The following ARAP2 variants were observed in gnomAD, a reference collection of about 807,000 sequenced individuals.
ARAP2 encodes the protein ArfGAP with RhoGAP domain, ankyrin repeat and PH domain 2.
ARAP2 carries 148 observed loss-of-function variants against 194.5 expected under a neutral mutation model. The ratio of observed to expected loss-of-function variants is 0.76; its 90% confidence interval spans 0.67 to 0.87. ARAP2 has a LOEUF of 0.87. Ranked by LOEUF, ARAP2 falls within the 40% of genes least tolerant of loss-of-function variation. The probability of loss-of-function intolerance (pLI) is 0.00; values close to 1 mark genes in which losing one functional copy is unlikely to be tolerated. For missense variants in ARAP2, 2,128 were observed against 1,989.7 expected, an observed-to-expected ratio of 1.07 and a Z score of -1.32; for synonymous variants, 695 against 683.5, an observed-to-expected ratio of 1.02 and a Z score of -0.26.
chr4:36,105,604 T>C (rs545192941), intron 27 of ARAP2, among the ~76,000 whole-genome samples: 1 of 151,972 alleles, frequency 6.6e-6, no homozygotes, highest in Admixed American at 6.6e-5. Context: ...GTACCAGCTG[T>C]CACTGTACCA....
intron 9 of ARAP2, among the ~76,000 whole-genome samples, chr4:36,009,373 T>C (rs1713960002): frequency 6.6e-6 from 1 of 152,154 alleles, no homozygotes; most frequent in Non-Finnish European, 1.5e-5. Flanking sequence ...AAGAATGATT[T>C]CATGTCTTTT....
chr4:36,016,677 A>G (rs2109326520), intron 6 of ARAP2, among the ~76,000 whole-genome samples: 1 of 152,212 alleles, frequency 6.6e-6, no homozygotes, highest in African/African-American at 2.4e-5. Flanking sequence ...ACTTTTTGAT[A>G]CTCTTTTAAT....
At chr4:36,103,798 T>C (rs552298088) in intron 27 of ARAP2, among the ~76,000 whole-genome samples, 100 of 152,016 alleles carry the variant, frequency 6.6e-4, no homozygotes, top group African/African-American at 2.4e-3. Context: ...AGTGCTAGAT[T>C]CTAAAATATA....
At chr4:36,080,150 T>C (rs1463867339) in intron 31 of ARAP2, 66 bp downstream of exon 31, 12 of 1,335,776 alleles carry the variant, frequency 9.0e-6, no homozygotes, top group Non-Finnish European at 1.3e-5. Flanking sequence ...GAAATCACCA[T>C]CACACTAACA....
chr4:36,197,642 C>G (rs951648866), intron 6 of ARAP2, among the ~76,000 whole-genome samples: 2 of 152,204 alleles, frequency 1.3e-5, no homozygotes, highest in Admixed American at 6.5e-5. Context: ...CCCATCACTG[C>G]CAACGGCAAG....
Position 36,122,512 on chromosome 4 carries a change from G to A in ARAP2, c.3747-1186C>T, listed in dbSNP as rs541431640. Among the ~76,000 whole-genome samples, 6 of 151,892 alleles carry A rather than the reference G, an allele frequency of 4.0e-5. No individual in the cohort carries two copies. In the East Asian group the frequency reaches 1.2e-3, roughly 30 times the overall value. On this transcript the variant is annotated intron_variant, in intron 22 of 32. Coordinates refer to ENST00000303965, the MANE Select transcript of ARAP2 (RefSeq NM_015230.4). Reference sequence around the variant, plus strand: ...CAATATCCTTAGCAAACTAACACAGGAACAGAAAACCAAATACTGTATATT... The same window carrying A: ...CAATATCCTTAGCAAACTAACACAGAAACAGAAAACCAAATACTGTATATT...
At position 36,161,495 on chromosome 4, in the gene ARAP2, A is replaced by G. The variant is rs1339973059; in HGVS notation, c.2229T>C (p.Asp743=). The change falls in exon 12 of 33, where the codon GAT becomes GAC. Residue 743 remains aspartate, a synonymous_variant. Coordinates refer to ENST00000303965, the MANE Select transcript of ARAP2 (RefSeq NM_015230.4). ...KDSKVRSLKM[D]ASIWSNELIE... is the part of the protein sequence containing the mutation. ...TGAGTTCATTGCTCCAAATGCTAGCATCCATTTTTAGACTTCTAACCTTGG... is the reference window on the plus strand; with the variant it reads ...TGAGTTCATTGCTCCAAATGCTAGCGTCCATTTTTAGACTTCTAACCTTGG... The G allele has an allele frequency of 6.2e-7, 1 of 1,614,092 alleles. No homozygotes were observed. The highest frequency in any genetic ancestry group is 8.5e-7 in the Non-Finnish European group (1 of 1,179,978).
intron 3 of ARAP2, 27 bp from the exon 4 acceptor site, chr4:36,213,346 C>A: frequency 6.8e-7 from 1 of 1,479,616 alleles, no homozygotes; most frequent in Non-Finnish European, 9.4e-7. Context: ...AGGATGAGAA[C>A]AGAAAGATGT....
At chr4:36,100,517 T>G (rs1716573043) in intron 27 of ARAP2, among the ~76,000 whole-genome samples, 1 of 151,928 alleles carries the variant, frequency 6.6e-6, no homozygotes, top group Non-Finnish European at 1.5e-5. Context: ...CAAGTAATTT[T>G]GCAATATTTG....
At chr4:36,178,284 G>C (rs1738437212) in intron 8 of ARAP2, among the ~76,000 whole-genome samples, 1 of 152,124 alleles carries the variant, frequency 6.6e-6, no homozygotes, top group Non-Finnish European at 1.5e-5. Flanking sequence ...ATGAATCACA[G>C]GCTGTATTTT....
intron 27 of ARAP2, among the ~76,000 whole-genome samples, chr4:36,097,287 C>CA (rs111884349): frequency 0.022 from 3,397 of 151,264 alleles, 98 homozygotes; most frequent in East Asian, 0.088. Context: ...GAGGGAAGAG[C>CA]AAAAAAAACT....
chr4:36,102,280 C>T (rs1016324995), intron 27 of ARAP2, among the ~76,000 whole-genome samples: 14 of 151,924 alleles, frequency 9.2e-5, no homozygotes, highest in African/African-American at 3.4e-4. Flanking sequence ...CTTCTAGTCT[C>T]CCTATCTTAA....
At chr4:36,151,937 G>A (rs1731098522) in intron 15 of ARAP2, among the ~76,000 whole-genome samples, 1 of 152,130 alleles carries the variant, frequency 6.6e-6, no homozygotes, top group African/African-American at 2.4e-5. Flanking sequence ...GAACTTTTCT[G>A]TAAGTCTCAA....
intron 9 of ARAP2, among the ~76,000 whole-genome samples, chr4:36,011,983 T>C (rs1714658025): frequency 6.6e-6 from 1 of 152,198 alleles, no homozygotes. Flanking sequence ...GTGTTAGATT[T>C]ATCAATTATT....
chr4:36,070,121 A>G (rs1726474588), intron 32 of ARAP2, among the ~76,000 whole-genome samples: 1 of 152,150 alleles, frequency 6.6e-6, no homozygotes, highest in Non-Finnish European at 1.5e-5. Flanking sequence ...ACATTTCTTT[A>G]TAGCAATGAG....
chr4:36,036,962 GTGATA>G (rs993666324), intron 5 of ARAP2, among the ~76,000 whole-genome samples: 2 of 152,028 alleles, frequency 1.3e-5, no homozygotes, highest in African/African-American at 4.8e-5. Context: ...CTTCTTTCAT[GTGATA>G]ACCCATTGGA....
At chr4:36,224,453 T>C (rs1030520158) in intron 2 of ARAP2, among the ~76,000 whole-genome samples, 12 of 152,074 alleles carry the variant, frequency 7.9e-5, no homozygotes, top group Admixed American at 2.6e-4. Context: ...GCACAGATAA[T>C]TAAGCCTCAA....
intron 6 of ARAP2, among the ~76,000 whole-genome samples, chr4:36,017,407 T>C (rs1716020581): frequency 6.6e-6 from 1 of 151,196 alleles, no homozygotes; most frequent in Non-Finnish European, 1.5e-5. Context: ...TAAACCATTC[T>C]GTATGTCAGG....
At chr4:36,155,479 A>G (rs1295077351) in intron 15 of ARAP2, among the ~76,000 whole-genome samples, 17 of 152,086 alleles carry the variant, frequency 1.1e-4, no homozygotes, top group Admixed American at 1.1e-3. Flanking sequence ...ACAGCAGGTG[A>G]AAAGGTCCAG....
Sources: gnomAD v4.1 joint callset for allele counts (sites outside exome capture counted in the v4.1 genomes callset) on GRCh38, gnomAD v4.1.1 for gene constraint, MANE v1.5 for transcripts, NCBI Gene and HGNC (gene_info 2026-07-23, HGNC 2026-07-21) for gene names.